BCL11A: variants seen among roughly 807,000 people sequenced by gnomAD.
BCL11A encodes the protein BCL11 transcription factor A.
A neutral mutation model predicts 55.9 loss-of-function variants in BCL11A; 2 were observed. The observed-to-expected ratio is 0.04, with a 90% confidence interval of 0.01 to 0.11. The LOEUF (loss-of-function observed/expected upper bound fraction) is 0.11. BCL11A is among the 10% of genes least tolerant of loss of function. BCL11A has a pLI of 1.00. For missense variants in BCL11A, 817 were observed against 1,137.1 expected (o/e 0.72, Z 4.05); for synonymous variants, 465 against 473.4 (o/e 0.98, Z 0.23).
At chr2:60,469,566 C>A (rs1196381286) in intron 2 of BCL11A, among the ~76,000 whole-genome samples, 1 of 152,168 alleles carries the variant, frequency 6.6e-6, no homozygotes, top group East Asian at 1.9e-4. Context: ...ACCAGCATTC[C>A]AATAATGCCA....
rs910710820 is a variant in BCL11A, at chr2:60,535,236, T to C, written c.385+10735A>G. ...CAAATGAGCTTTAGCAAATTATCAGTAAGATTCATCCAAAAAGCAAAGGGT... is the reference window on the plus strand; with the variant it reads ...CAAATGAGCTTTAGCAAATTATCAGCAAGATTCATCCAAAAAGCAAAGGGT... On this transcript the variant is annotated intron_variant, in intron 2 of 3. Coordinates refer to ENST00000642384, the MANE Select transcript of BCL11A (RefSeq NM_022893.4). 5.3e-5 allele frequency: 8 copies of C among 152,238 alleles called. 1 individual carries two copies. The highest frequency in any genetic ancestry group is 1.9e-4 in the African/African-American group (8 of 41,458). 9.4% of individuals were successfully genotyped at this position (152,238 alleles called of 1,614,324 possible).
chr2:60,479,270 C>T (rs1677810765), intron 2 of BCL11A, among the ~76,000 whole-genome samples: 1 of 152,244 alleles, frequency 6.6e-6, no homozygotes. Flanking sequence ...CACGTGGGGA[C>T]TCAGCCTATG....
At chr2:60,550,017 G>C (rs1433358375) in intron 1 of BCL11A, 2 of 152,410 alleles carry the variant, frequency 1.3e-5, no homozygotes, top group African/African-American at 4.8e-5. Context: ...GCGAGAGGGG[G>C]GGTGTCGGGC....
intron 2 of BCL11A, among the ~76,000 whole-genome samples, chr2:60,487,244 C>T (rs1208450236): frequency 6.6e-6 from 1 of 152,092 alleles, no homozygotes; most frequent in Non-Finnish European, 1.5e-5. Context: ...ACTCCCTAAC[C>T]TATATTTTGC....
chr2:60,467,003 G>C (rs899005813), intron 3 of BCL11A, among the ~76,000 whole-genome samples: 4 of 152,160 alleles, frequency 2.6e-5, no homozygotes, highest in Non-Finnish European at 5.9e-5. Context: ...TGTATAAATG[G>C]ACAAATTTAA....
At chr2:60,464,543 C>A (rs900819402) in intron 3 of BCL11A, among the ~76,000 whole-genome samples, 5 of 152,176 alleles carry the variant, frequency 3.3e-5, no homozygotes, top group African/African-American at 1.2e-4. Context: ...GTCTGATAAT[C>A]CAAGTCCTTA....
intron 2 of BCL11A, among the ~76,000 whole-genome samples, chr2:60,505,145 C>CA (rs373984962): frequency 0.012 from 1,850 of 148,356 alleles, 28 homozygotes; most frequent in African/African-American, 0.041. Flanking sequence ...AGGGCTTACT[C>CA]AAAAAAAAAA....
intron 2 of BCL11A, among the ~76,000 whole-genome samples, chr2:60,476,358 G>A (rs142860223): frequency 6.6e-6 from 1 of 152,340 alleles, no homozygotes; most frequent in East Asian, 1.9e-4. Context: ...CCCAAACCCA[G>A]GCTAAATGTC....
At chr2:60,510,204 C>A (rs966535101) in intron 2 of BCL11A, among the ~76,000 whole-genome samples, 1 of 152,204 alleles carries the variant, frequency 6.6e-6, no homozygotes, top group Non-Finnish European at 1.5e-5. Flanking sequence ...ATCACTCCTC[C>A]AGTGGCTTCC....
At chr2:60,527,362 C>T (rs1292050250) in intron 2 of BCL11A, 2 of 152,344 alleles carry the variant, frequency 1.3e-5, no homozygotes, top group East Asian at 3.9e-4. Flanking sequence ...AAGAGCTTCT[C>T]TTCCAGGGTG....
downstream of BCL11A, among the ~76,000 whole-genome samples, chr2:60,454,268 C>A (rs1464323462): frequency 6.6e-6 from 1 of 152,146 alleles, no homozygotes; most frequent in Non-Finnish European, 1.5e-5. Context: ...ATTTCTCTAA[C>A]AATGGGTTCG....
chr2:60,520,712 GT>G (rs538146039), intron 2 of BCL11A, among the ~76,000 whole-genome samples: 182 of 152,042 alleles, frequency 1.2e-3, no homozygotes, highest in African/African-American at 4.0e-3. Flanking sequence ...AGAGCAGACA[GT>G]CCCCCACCCC....
exon 5 of BCL11A, chr2:60,451,935 C>T (rs1675740088): frequency 8.7e-6 from 2 of 228,830 alleles, no homozygotes; most frequent in Non-Finnish European, 1.7e-5. Context: ...TATGATATTG[C>T]TATGATTTAT....
intron 1 of BCL11A, chr2:60,550,038 C>G (rs1377605517): frequency 6.6e-6 from 1 of 152,032 alleles, no homozygotes; most frequent in East Asian, 1.9e-4. Flanking sequence ...TGCAGAGCCG[C>G]CCAGCAAGCC....
rs1459298031 is a variant in BCL11A, at chr2:60,546,608, T to G, written c.56-308A>C. Among the ~76,000 whole-genome samples, 1 of 152,142 alleles carries G rather than the reference T, an allele frequency of 6.6e-6. No individual in the cohort carries two copies. The highest frequency in any genetic ancestry group is 2.4e-5 in the African/African-American group (1 of 41,422). On this transcript the variant is annotated intron_variant, in intron 1 of 3. Coordinates refer to ENST00000642384, the MANE Select transcript of BCL11A (RefSeq NM_022893.4). This position sits in a 1 kb window ranked among gnomAD's most constrained non-coding sequence, Gnocchi z 4.1. ...ACCCACAGCAACAAATGTGTCTGGT[T>G]TGTAAGTTTAGAAAGAATGCTACTT...
At chr2:60,539,091 G>T (rs1390728371) in intron 2 of BCL11A, among the ~76,000 whole-genome samples, 1 of 152,244 alleles carries the variant, frequency 6.6e-6, no homozygotes, top group Non-Finnish European at 1.5e-5. Context: ...GTGGCATATC[G>T]AGCATTTTTC....
At position 60,457,978 on chromosome 2, in the gene BCL11A, A is replaced by G. The variant is rs1572944870; in HGVS notation, c.*2426T>C. 1 of 1,037,202 alleles carries G rather than the reference A, an allele frequency of 9.6e-7. No individual in the cohort carries two copies. The highest frequency in any genetic ancestry group is 5.9e-5 in the East Asian group (1 of 17,080). 64.2% of individuals were successfully genotyped at this position (1,037,202 alleles called of 1,614,324 possible). A position where few individuals can be genotyped will look rare whatever the true frequency, so the allele number is the denominator to read the frequency against. On this transcript the variant is annotated 3_prime_UTR_variant, in exon 4 of 4. Coordinates refer to ENST00000642384, the MANE Select transcript of BCL11A (RefSeq NM_022893.4). Reference sequence around the variant, plus strand: ...TTTTTTTTTTTTTTGAAGCATACAAATAATTTGCACTATATTATCCTGCCA... The same window carrying G: ...TTTTTTTTTTTTTTGAAGCATACAAGTAATTTGCACTATATTATCCTGCCA...
intron 2 of BCL11A, among the ~76,000 whole-genome samples, chr2:60,502,904 G>A (rs1679371733): frequency 6.6e-6 from 1 of 152,174 alleles, no homozygotes; most frequent in South Asian, 2.1e-4. Flanking sequence ...GTGAACCAGT[G>A]AGAAAGAACA....
chr2:60,467,729 A>ATGGTAC (rs1676870592), intron 3 of BCL11A, among the ~76,000 whole-genome samples: 1 of 39,652 alleles, frequency 2.5e-5, no homozygotes, highest in African/African-American at 1.0e-4. Context: ...ACTGGTGGTG[A>ATGGTAC]TGGTGGTGGT....
Sources: gnomAD v4.1 joint callset for allele counts (sites outside exome capture counted in the v4.1 genomes callset) on GRCh38, gnomAD v4.1.1 for gene constraint, Gnocchi (gnomAD v3.1) non-coding constraint, MANE v1.5 for transcripts, NCBI Gene and HGNC (gene_info 2026-07-23, HGNC 2026-07-21) for gene names.